Variants in OR10G3 observed in about 807,000 individuals in gnomAD.
OR10G3 encodes the protein olfactory receptor family 10 subfamily G member 3.
Under a neutral mutation model 13.4 loss-of-function variants are expected in OR10G3, and 8 were observed. The observed-to-expected ratio is 0.60, with a 90% CI of 0.35 to 1.08. OR10G3 has a LOEUF of 1.08. Among genes scored for constraint, OR10G3 ranks in the 50% least tolerant of loss-of-function variants. OR10G3 has a pLI of 0.02. For synonymous variants in OR10G3, 142 were observed against 156.1 expected (o/e 0.91, Z 0.67); for missense variants, 393 against 386.6 (o/e 1.02, Z -0.14).
chr14:21,575,476 G>C (rs76801544), intron 1 of OR10G3, among the ~76,000 whole-genome samples: 15,968 of 151,954 alleles, frequency 0.11, 1,361 homozygotes, highest in East Asian at 0.4. Context: ...TGCCTCCTGG[G>C]TTCAAGCAAT....
rs766253791 is a variant in OR10G3 at position 21,570,124 on chromosome 14, C to A, written c.621G>T (p.Val207=). 34 of 1,614,194 alleles carry A rather than the reference C, an allele frequency of 2.1e-5. No homozygotes were observed. The South Asian group carries it at 3.4e-4, about 16-fold the overall frequency. ...GGATCAGGGAGAAGCAACTGGCAAC[C>A]ACCACCCCAATGTCTACAAACGTCA... ...ELVTFVDIGV[V]VASCFSLILL... The change falls in exon 2 of 2, where the codon GTG becomes GTT. Residue 207 remains valine, a synonymous_variant. Coordinates refer to ENST00000641040, the MANE Select transcript of OR10G3 (RefSeq NM_001005465.2).
rs1198736831 is a variant in OR10G3 at position 21,573,379 on chromosome 14, G to A, written c.-17-2618C>T. On this transcript the variant is annotated intron_variant, in intron 1 of 1. Coordinates refer to ENST00000641040, the MANE Select transcript of OR10G3 (RefSeq NM_001005465.2). ...GGAATGCAGAGATGTTGATCAAAAGGTACAAAGTTTCAGCTGGGTGCAGTG... is the reference window on the plus strand; with the variant it reads ...GGAATGCAGAGATGTTGATCAAAAGATACAAAGTTTCAGCTGGGTGCAGTG... Among the ~76,000 whole-genome samples, 4 of 152,000 alleles carry A rather than the reference G, an allele frequency of 2.6e-5. No homozygotes were observed. The East Asian group carries it at 7.7e-4, about 29-fold the overall frequency.
At chr14:21,579,230 TTTTTAATTTTTTTAA>T (rs1876834181) in intron 1 of OR10G3, among the ~76,000 whole-genome samples, 1 of 138,092 alleles carries the variant, frequency 7.2e-6, no homozygotes, top group Non-Finnish European at 1.6e-5. Flanking sequence ...ATTTTTTAAT[TTTTTAATTTTTTTAA>T]TTTTAATTTT....
rs35838711 is a variant in OR10G3 at position 21,573,671 on chromosome 14, C to CAA, written c.-17-2912_-17-2911dup. Among the ~76,000 whole-genome samples, 101 of 136,660 alleles carry CAA rather than the reference C, an allele frequency of 7.4e-4. 1 individual carries two copies. Among genetic ancestry groups the CAA allele is most frequent in the African/African-American group, 2.3e-3 (88 of 38,172 alleles). 89.7% of individuals were successfully genotyped at this position (136,660 alleles called of 152,430 possible). A position where few individuals can be genotyped will look rare whatever the true frequency, so the allele number is the denominator to read the frequency against. On this transcript the variant is annotated intron_variant, in intron 1 of 1. Transcript: ENST00000641040. ...TGGGTGACAGAGCAAGACTCTGTCT[C>CAA]AAAAAAAAAAAAGTACGAAGTTTCA...
chr14:21,572,608 C>T (rs150034358), intron 1 of OR10G3, among the ~76,000 whole-genome samples: 2 of 110,512 alleles, frequency 1.8e-5, no homozygotes, highest in Non-Finnish European at 3.5e-5. Flanking sequence ...AACAAACAAA[C>T]AAAAAAAAAA....
At position 21,570,676 on chromosome 14, in the gene OR10G3, T is replaced by C; in HGVS notation, c.69A>G (p.Leu23=). 1.2e-6 allele frequency: 2 copies of C among 1,608,928 alleles called. No homozygotes were observed. The highest frequency in any genetic ancestry group is 1.1e-5 in the South Asian group (1 of 91,046). The change falls in exon 2 of 2, where the codon CTA becomes CTG. Residue 23 remains leucine (L), a synonymous_variant. Coordinates refer to ENST00000641040, the MANE Select transcript of OR10G3 (RefSeq NM_001005465.2). ...AAAAGAACACAAAAAAGAGTGTCCT[T>C]AGCCTGAGTGGATACGGAATTCCTG... ...ILTGIPYPLR[L]RTLFFVFFFL... is the part of the protein sequence containing the mutation.
chr14:21,570,229 G>T lies in OR10G3; in HGVS notation c.516C>A (p.Pro172=), dbSNP rs760354116. Residue 172 remains proline, a synonymous_variant, in exon 2 of 2, where the codon CCC becomes CCA. Transcript: ENST00000641040. Reference sequence around the variant, plus strand: ...CACAGAAGAAGTAATCCACCTGATTGGGCCCACAGTAGGGCAGGCGGAAGG... The same window carrying T: ...CACAGAAGAAGTAATCCACCTGATTTGGCCCACAGTAGGGCAGGCGGAAGG... ...ILTFRLPYCG[P]NQVDYFFCDI... 2 of 1,614,074 alleles carry T rather than the reference G, an allele frequency of 1.2e-6. No homozygotes were observed. Among genetic ancestry groups the T allele is most frequent in the African/African-American group, 1.3e-5 (1 of 74,930 alleles).
chr14:21,579,251 A>G (rs1290487467), intron 1 of OR10G3, among the ~76,000 whole-genome samples: 1 of 151,802 alleles, frequency 6.6e-6, no homozygotes, highest in African/African-American at 2.4e-5. Flanking sequence ...TTTAATTTTA[A>G]TTTTTATTTT....
chr14:21,576,954 CTTTT>C (rs1893134261), intron 1 of OR10G3, among the ~76,000 whole-genome samples: 2 of 152,024 alleles, frequency 1.3e-5, no homozygotes, highest in Non-Finnish European at 2.9e-5. Context: ...TTGTTTTCTT[CTTTT>C]TGTTTCTCTA....
chr14:21,576,904 G>T (rs1445496528), intron 1 of OR10G3, among the ~76,000 whole-genome samples: 2 of 152,130 alleles, frequency 1.3e-5, no homozygotes, highest in Non-Finnish European at 2.9e-5. Context: ...GTAATACCGA[G>T]TATCTTTATT....
chr14:21,570,143 A>G lies in OR10G3; in HGVS notation c.602T>C (p.Phe201Ser). Residue 201 changes from phenylalanine (F) to serine (S), a missense_variant, in exon 2 of 2, where the codon TTT becomes TCT. Coordinates refer to ENST00000641040, the MANE Select transcript of OR10G3 (RefSeq NM_001005465.2). ...GGCAACCACCACCCCAATGTCTACAAACGTCACCAGCTCGTTGACTGTTGT... is the reference window on the plus strand; with the variant it reads ...GGCAACCACCACCCCAATGTCTACAGACGTCACCAGCTCGTTGACTGTTGT... ...ADTTVNELVT[F>S]VDIGVVVASC... The G allele has an allele frequency of 6.2e-7, 1 of 1,614,192 alleles. No individual in the cohort carries two copies.
chr14:21,569,875 A>T lies in OR10G3; in HGVS notation c.870T>A (p.Thr290=). The T allele has an allele frequency of 6.2e-7, 1 of 1,614,050 alleles. No individual in the cohort carries two copies. The highest frequency in any genetic ancestry group is 8.5e-7 in the Non-Finnish European group (1 of 1,179,996). ...ITPFLNPLIY[T]LRNQEVKLAL... is the part of the protein sequence containing the mutation. ...CCAGCTTCACCTCTTGGTTCCGCAGAGTGTAGATAAGGGGGTTGAGGAAAG... is the reference window on the plus strand; with the variant it reads ...CCAGCTTCACCTCTTGGTTCCGCAGTGTGTAGATAAGGGGGTTGAGGAAAG... Residue 290 remains threonine (T), a synonymous_variant, in exon 2 of 2, where the codon ACT becomes ACA. Transcript: ENST00000641040.
At chr14:21,572,774 T>C (rs1240908431) in intron 1 of OR10G3, among the ~76,000 whole-genome samples, 2 of 152,182 alleles carry the variant, frequency 1.3e-5, no homozygotes, top group Admixed American at 1.3e-4. Flanking sequence ...CTGTATTCTG[T>C]CATTGGTTGA....
At chr14:21,572,435 A>G (rs1014464128) in intron 1 of OR10G3, among the ~76,000 whole-genome samples, 3 of 151,116 alleles carry the variant, frequency 2.0e-5, no homozygotes, top group Admixed American at 2.0e-4. Context: ...CATCTCTACT[A>G]AAAATACAAA....
Position 21,570,081 on chromosome 14 carries a change from T to A in OR10G3, c.664A>T (p.Ile222Phe), listed in dbSNP as rs749768808. The change falls in exon 2 of 2, where the codon ATC (isoleucine) becomes TTC (phenylalanine). Residue 222 changes from isoleucine to phenylalanine, a missense_variant. Transcript: ENST00000641040. ...TGGATTCTCAGGATGGCCTGAATGATCTGTATGTAGGAGAGGAGGATCAGG... is the reference window on the plus strand; with the variant it reads ...TGGATTCTCAGGATGGCCTGAATGAACTGTATGTAGGAGAGGAGGATCAGG... ...FSLILLSYIQ[I>F]IQAILRIHTA... The A allele has an allele frequency of 1.2e-6, 2 of 1,614,170 alleles. No individual in the cohort carries two copies. Among genetic ancestry groups the A allele is most frequent in the South Asian group, 2.2e-5 (2 of 91,088 alleles).
At chr14:21,577,145 G>T (rs1387863171) in intron 1 of OR10G3, among the ~76,000 whole-genome samples, 1 of 152,008 alleles carries the variant, frequency 6.6e-6, no homozygotes, top group African/African-American at 2.4e-5. Flanking sequence ...TATCCCACAT[G>T]TGGTTCTGAG....
intron 1 of OR10G3, among the ~76,000 whole-genome samples, chr14:21,579,208 A>G (rs17254813): frequency 0.094 from 14,324 of 152,054 alleles, 1,036 homozygotes; most frequent in East Asian, 0.36. Flanking sequence ...GTGTTATCCA[A>G]TATTAGCCAC....
intron 1 of OR10G3, among the ~76,000 whole-genome samples, chr14:21,579,557 T>G (rs1296336531): frequency 1.3e-5 from 2 of 152,212 alleles, no homozygotes; most frequent in African/African-American, 4.8e-5. Flanking sequence ...TTAGCCACTA[T>G]TTATAAAAAG....
intron 1 of OR10G3, among the ~76,000 whole-genome samples, chr14:21,579,572 A>C (rs1284120643): frequency 6.6e-6 from 1 of 152,250 alleles, no homozygotes; most frequent in African/African-American, 2.4e-5. Context: ...AAAAAGGCTA[A>C]ATGGTAGTTA....
Sources: allele counts gnomAD v4.1 joint callset (sites outside exome capture counted in the v4.1 genomes callset), GRCh38; gene constraint gnomAD v4.1.1; transcripts MANE v1.5; gene names NCBI Gene and HGNC (gene_info 2026-07-23, HGNC 2026-07-21).